The following PDZRN3 variants were observed in gnomAD, a reference collection of about 807,000 sequenced individuals.
PDZRN3 encodes the protein E3 ubiquitin-protein ligase PDZRN3.
A neutral mutation model predicts 85.7 loss-of-function variants in PDZRN3; 38 were observed. The observed-to-expected ratio is 0.44, with a 90% CI of 0.34 to 0.58. The LOEUF is 0.58. Among genes scored for constraint, PDZRN3 ranks in the 20% least tolerant of loss-of-function variants. The probability of loss-of-function intolerance (pLI) is 0.01; values close to 1 mark genes in which losing one functional copy is unlikely to be tolerated. For missense variants in PDZRN3, 1,629 were observed against 1,506.4 expected, an observed-to-expected ratio of 1.08 and a Z score of -1.35; for synonymous variants, 759 against 638.0, an observed-to-expected ratio of 1.19 and a Z score of -2.86.
intron 3 of PDZRN3, chr3:73,408,094 A>G: frequency 1.4e-6 from 1 of 689,686 alleles, no homozygotes; most frequent in South Asian, 1.6e-5. Context: ...TGCAGTTTTC[A>G]ATCAAATACA....
intron 3 of PDZRN3, among the ~76,000 whole-genome samples, chr3:73,466,466 A>T (rs946114085): frequency 6.6e-6 from 1 of 152,306 alleles, no homozygotes; most frequent in South Asian, 2.1e-4. Context: ...TGATGGTAAA[A>T]ACCTCACCTG....
Position 73,404,173 on chromosome 3 carries a change from G to C in PDZRN3, c.1141C>G (p.Leu381Val). ...TKMSSPSPPV[L>V]DPYLLPEEHP... ...TCCTCTGGCAAGAGATAGGGATCCAGCACGGGTGGGCTGGGAGAGGACATC... is the reference window on the plus strand; with the variant it reads ...TCCTCTGGCAAGAGATAGGGATCCACCACGGGTGGGCTGGGAGAGGACATC... The change falls in exon 4 of 10, where the codon CTG becomes GTG. Residue 381 changes from leucine to valine, a missense_variant. Leu to Val is a conservative substitution (Grantham distance 32). Coordinates refer to ENST00000263666, the MANE Select transcript of PDZRN3 (RefSeq NM_015009.3). 6.2e-7 allele frequency: 1 copy of C among 1,614,020 alleles called. No individual in the cohort carries two copies.
rs111470873 is a variant in PDZRN3, at chr3:73,455,054, T to C, written c.919-50659A>G. 1.9e-3 allele frequency among the ~76,000 whole-genome samples: 293 copies of C among 152,292 alleles called. 1 individual carries two copies. Among genetic ancestry groups the C allele is most frequent in the African/African-American group, 6.4e-3 (265 of 41,558 alleles). On this transcript the variant is annotated intron_variant, in intron 3 of 9. Coordinates refer to ENST00000263666, the MANE Select transcript of PDZRN3 (RefSeq NM_015009.3). ...TATGAGTACAATATTTCCTGGAGTA[T>C]TGAACCCTTATCATTTGAAAGTTAC... is the stretch of plus-strand genomic sequence containing the variant.
At chr3:73,603,870 A>AACACACACACACAC (rs71625943) in intron 2 of PDZRN3, among the ~76,000 whole-genome samples, 57 of 110,434 alleles carry the variant, frequency 5.2e-4, no homozygotes, top group African/African-American at 1.3e-3. Flanking sequence ...CACTTCCCCA[A>AACACACACACACAC]ACACACACAC....
intron 3 of PDZRN3, among the ~76,000 whole-genome samples, chr3:73,419,430 G>T (rs1343884085): frequency 1.3e-5 from 2 of 152,160 alleles, no homozygotes; most frequent in Non-Finnish European, 2.9e-5. Flanking sequence ...CAGCAAAATG[G>T]TGTGTGGGTC....
intron 3 of PDZRN3, among the ~76,000 whole-genome samples, chr3:73,527,522 A>G (rs971750212): frequency 4.6e-5 from 7 of 152,210 alleles, no homozygotes; most frequent in Admixed American, 4.6e-4. Flanking sequence ...GAAGAATCAA[A>G]AATTCCATCT....
chr3:73,510,580 A>C (rs1704146389), intron 3 of PDZRN3, among the ~76,000 whole-genome samples: 1 of 152,210 alleles, frequency 6.6e-6, no homozygotes, highest in Non-Finnish European at 1.5e-5. Flanking sequence ...ACATTCATAG[A>C]GATCGACTCC....
chr3:73,462,603 G>A (rs985156394), intron 3 of PDZRN3, among the ~76,000 whole-genome samples: 1 of 149,674 alleles, frequency 6.7e-6, no homozygotes, highest in Admixed American at 6.7e-5. Context: ...TCATCATATT[G>A]CAGAAAGCAG....
chr3:73,432,247 C>A (rs1702446916), intron 3 of PDZRN3, among the ~76,000 whole-genome samples: 1 of 152,130 alleles, frequency 6.6e-6, no homozygotes, highest in Admixed American at 6.5e-5. Flanking sequence ...TACACCTCAC[C>A]ACATGATCAC....
intron 1 of PDZRN3, chr3:73,623,841 CT>C: frequency 2.7e-6 from 1 of 372,556 alleles, no homozygotes; most frequent in Non-Finnish European, 4.8e-6. Context: ...CTTGTGAATT[CT>C]TTTTCGTCCT....
intron 3 of PDZRN3, 125 bp downstream of exon 3, chr3:73,602,229 G>T: frequency 1.5e-6 from 1 of 647,706 alleles, no homozygotes; most frequent in South Asian, 1.9e-5. Context: ...AATGGGAAAA[G>T]TGAGACTCCC....
intron 3 of PDZRN3, among the ~76,000 whole-genome samples, chr3:73,459,895 CAGG>C (rs1249846191): frequency 6.6e-6 from 1 of 152,168 alleles, no homozygotes; most frequent in Non-Finnish European, 1.5e-5. Flanking sequence ...ACGTGGCAGG[CAGG>C]AGTCACATCC....
At chr3:73,547,622 A>G (rs1701456177) in intron 3 of PDZRN3, among the ~76,000 whole-genome samples, 1 of 152,226 alleles carries the variant, frequency 6.6e-6, no homozygotes, top group Admixed American at 6.5e-5. Context: ...GCTGGAAATA[A>G]CTACATAGAG....
chr3:73,441,185 C>T (rs1296462297), intron 3 of PDZRN3, among the ~76,000 whole-genome samples: 3 of 151,962 alleles, frequency 2.0e-5, no homozygotes, highest in Non-Finnish European at 2.9e-5. Context: ...GAGGCCGAGG[C>T]GGGCAGATCA....
intron 3 of PDZRN3, among the ~76,000 whole-genome samples, chr3:73,417,969 G>A (rs1055589706): frequency 6.6e-6 from 1 of 152,192 alleles, no homozygotes; most frequent in African/African-American, 2.4e-5. Flanking sequence ...CACAGAAATT[G>A]GGAAGATTTA....
chr3:73,565,061 T>C (rs1701913054), intron 3 of PDZRN3, among the ~76,000 whole-genome samples: 2 of 152,032 alleles, frequency 1.3e-5, no homozygotes, highest in East Asian at 3.9e-4. Context: ...TAGCACTATG[T>C]AATACTGTAT....
chr3:73,497,608 A>G (rs1703890299), intron 3 of PDZRN3, among the ~76,000 whole-genome samples: 1 of 152,230 alleles, frequency 6.6e-6, no homozygotes, highest in Admixed American at 6.5e-5. Context: ...AACGTATATA[A>G]AAGTAGAGGA....
intron 3 of PDZRN3, among the ~76,000 whole-genome samples, chr3:73,581,669 T>C (rs1282009894): frequency 1.3e-5 from 2 of 152,198 alleles, no homozygotes; most frequent in South Asian, 2.1e-4. Flanking sequence ...CACACTCATA[T>C]GATGCAACAT....
chr3:73,424,640 T>A (rs2106784905), intron 3 of PDZRN3, among the ~76,000 whole-genome samples: 1 of 151,470 alleles, frequency 6.6e-6, no homozygotes, highest in Admixed American at 6.6e-5. Context: ...CCAGACTATG[T>A]TTTTCCAAAT....
Sources: allele counts gnomAD v4.1 joint callset (sites outside exome capture counted in the v4.1 genomes callset), GRCh38; gene constraint gnomAD v4.1.1; transcripts MANE v1.5; gene names NCBI Gene and HGNC (gene_info 2026-07-23, HGNC 2026-07-21).